RIBC2: variants seen among roughly 807,000 people sequenced by gnomAD.
RIBC2 encodes RIB43A domain with coiled-coils 2, also known as RIB43A-like with coiled-coils protein 2.
A neutral mutation model predicts 44.3 loss-of-function variants in RIBC2; 40 were observed. That is an observed-to-expected ratio of 0.90 (90% CI 0.70 to 1.18). The LOEUF is 1.18. Among genes scored for constraint, RIBC2 ranks in the 50% most tolerant of loss-of-function variants. RIBC2 has a pLI of 0.00. For missense variants in RIBC2, 459 were observed against 485.5 expected, an observed-to-expected ratio of 0.95 and a Z score of 0.51; for synonymous variants, 171 against 175.0, an observed-to-expected ratio of 0.98 and a Z score of 0.18.
At chr22:45,427,903 G>A (rs981735954) in intron 5 of RIBC2, among the ~76,000 whole-genome samples, 4 of 152,234 alleles carry the variant, frequency 2.6e-5, no homozygotes, top group African/African-American at 9.6e-5. Flanking sequence ...CCATAGTGCC[G>A]GGATTACAGG....
At chr22:45,427,448 G>A (rs1409969761) in intron 5 of RIBC2, among the ~76,000 whole-genome samples, 2 of 152,252 alleles carry the variant, frequency 1.3e-5, no homozygotes, top group Non-Finnish European at 2.9e-5. Flanking sequence ...AAGGAAATGC[G>A]TTTATTCCAG....
chr22:45,432,138 G>T (rs912343922), intron 6 of RIBC2, 146 bp from the exon 7 acceptor site: 6 of 553,832 alleles, frequency 1.1e-5, no homozygotes, highest in African/African-American at 5.8e-5. Context: ...GATCATTTTG[G>T]GGGGCTCATT....
chr22:45,415,984 G>A (rs1453363622), intron 2 of RIBC2, among the ~76,000 whole-genome samples: 2 of 152,180 alleles, frequency 1.3e-5, no homozygotes, highest in Non-Finnish European at 2.9e-5. Context: ...ACAGGCATGA[G>A]CCACCAGGCC....
Position 45,426,186 on chromosome 22 carries a change from C to A in RIBC2, c.903+11C>A. 6.2e-7 allele frequency: 1 copy of A among 1,607,562 alleles called. No individual in the cohort carries two copies. On this transcript the variant is annotated intron_variant, in intron 5 of 6. Transcript: ENST00000614167. The stretch of plus-strand genomic sequence containing the variant: ...ATCCAGGAGAAGCTGGTGACTGCCC[C>A]GCCCCTTTTTCCAGAGCCCATAGAG...
At chr22:45,431,123 C>A in intron 6 of RIBC2, 57 bp downstream of exon 6, 1 of 1,537,266 alleles carries the variant, frequency 6.5e-7, no homozygotes. Context: ...GACCGCGGGG[C>A]TGTGGAGGTC....
intron 3 of RIBC2, among the ~76,000 whole-genome samples, chr22:45,421,873 C>T (rs2087488378): frequency 6.6e-6 from 1 of 152,094 alleles, no homozygotes; most frequent in Non-Finnish European, 1.5e-5. Context: ...GGCCCCACTT[C>T]CTCCATAGAG....
chr22:45,425,035 C>T (rs1434214147), intron 4 of RIBC2, among the ~76,000 whole-genome samples: 1 of 151,906 alleles, frequency 6.6e-6, no homozygotes, highest in Non-Finnish European at 1.5e-5. Context: ...AGTGTTGAAT[C>T]ACTTGAACCT....
rs748723531 is a variant in RIBC2 at position 45,426,188 on chromosome 22, C to T, written c.903+13C>T. The T allele has an allele frequency of 4.1e-5, 66 of 1,606,378 alleles. No individual in the cohort carries two copies. The highest frequency in any genetic ancestry group is 5.4e-5 in the Non-Finnish European group (63 of 1,175,762). On this transcript the variant is annotated intron_variant, in intron 5 of 6. Transcript: ENST00000614167. ...CCAGGAGAAGCTGGTGACTGCCCCG[C>T]CCCTTTTTCCAGAGCCCATAGAGCC...
intron 5 of RIBC2, among the ~76,000 whole-genome samples, chr22:45,429,683 C>T (rs765521954): frequency 6.6e-6 from 1 of 152,136 alleles, no homozygotes. Flanking sequence ...GGCGCCGGGG[C>T]TGGAATGGGG....
chr22:45,421,537 A>ATT (rs1165564990), intron 3 of RIBC2, among the ~76,000 whole-genome samples: 8 of 38,786 alleles, frequency 2.1e-4, no homozygotes, highest in African/African-American at 5.5e-4. Flanking sequence ...TAGTATTATT[A>ATT]ATAATATTAA....
At chr22:45,425,578 C>T (rs1228686656) in intron 4 of RIBC2, among the ~76,000 whole-genome samples, 1 of 152,198 alleles carries the variant, frequency 6.6e-6, no homozygotes, top group Non-Finnish European at 1.5e-5. Flanking sequence ...CTTTGCAGCC[C>T]ACAGATGTCC....
At chr22:45,423,493 A>C (rs1035809167) in intron 4 of RIBC2, among the ~76,000 whole-genome samples, 1 of 152,022 alleles carries the variant, frequency 6.6e-6, no homozygotes, top group Non-Finnish European at 1.5e-5. Context: ...TAACCTCATC[A>C]CTTTTGATTT....
At chr22:45,427,831 C>T (rs1455907300) in intron 5 of RIBC2, among the ~76,000 whole-genome samples, 1 of 152,146 alleles carries the variant, frequency 6.6e-6, no homozygotes, top group Non-Finnish European at 1.5e-5. Flanking sequence ...GGTAGGGTAT[C>T]GTCATGTTGG....
chr22:45,416,829 C>G (rs1331587904), intron 2 of RIBC2, among the ~76,000 whole-genome samples: 1 of 151,780 alleles, frequency 6.6e-6, no homozygotes, highest in Non-Finnish European at 1.5e-5. Context: ...AAATATTTTG[C>G]CTTCGATTCA....
Position 45,431,091 on chromosome 22 carries a change from C to T in RIBC2, c.1070+25C>T, listed in dbSNP as rs1257431202. ...AGTGAGTGCTGGGTGGGACCAGGGC[C>T]AGGTGGGGGACCGGGTGGAGGGACC... On this transcript the variant is annotated intron_variant, in intron 6 of 6. Transcript: ENST00000614167. The T allele has an allele frequency of 6.4e-6, 10 of 1,558,786 alleles. 1 individual carries two copies. Among genetic ancestry groups the T allele is most frequent in the Admixed American group, 3.9e-5 (2 of 51,772 alleles).
At chr22:45,419,320 T>TA in intron 3 of RIBC2, among the ~76,000 whole-genome samples, 5 of 152,202 alleles carry the variant, frequency 3.3e-5, no homozygotes, top group African/African-American at 9.6e-5. Context: ...CCCACATCCG[T>TA]GACAGCTCCT....
chr22:45,414,905 T>C (rs973054265), intron 2 of RIBC2, among the ~76,000 whole-genome samples: 5 of 152,170 alleles, frequency 3.3e-5, no homozygotes, highest in Non-Finnish European at 1.5e-5. Context: ...TAAGACCGTC[T>C]ATGAAGGACA....
At position 45,414,529 on chromosome 22, in the gene RIBC2, A is replaced by G. The variant is rs1372375425; in HGVS notation, c.211+126A>G. On this transcript the variant is annotated intron_variant, in intron 2 of 6. Coordinates refer to ENST00000614167, the MANE Select transcript of RIBC2 (RefSeq NM_015653.5). ...TTTATTTTTTTTATTTAATAGAGATAGGGTCTCACTATGTTGCCCAGGCTG... is the reference window on the plus strand; with the variant it reads ...TTTATTTTTTTTATTTAATAGAGATGGGGTCTCACTATGTTGCCCAGGCTG... The G allele has an allele frequency of 7.0e-6, 4 of 573,976 alleles. No individual in the cohort carries two copies. The African/African-American group carries it at 7.9e-5, about 11-fold the overall frequency. 35.6% of individuals were successfully genotyped at this position (573,976 alleles called of 1,614,324 possible).
At chr22:45,427,755 C>T (rs2146888775) in intron 5 of RIBC2, among the ~76,000 whole-genome samples, 1 of 152,380 alleles carries the variant, frequency 6.6e-6, no homozygotes, top group East Asian at 1.9e-4. Context: ...CTGCCTCAGC[C>T]TCCCCAGTAG....
Sources: allele counts gnomAD v4.1 joint callset (sites outside exome capture counted in the v4.1 genomes callset), GRCh38; gene constraint gnomAD v4.1.1; transcripts MANE v1.5; gene names NCBI Gene and HGNC (gene_info 2026-07-23, HGNC 2026-07-21).